RBFOX3: variants seen among roughly 807,000 people sequenced by gnomAD.
RBFOX3 encodes the protein RNA binding fox-1 homolog 3, also known as RNA binding protein fox-1 homolog 3.
Under a neutral mutation model 48.7 loss-of-function variants are expected in RBFOX3, and 17 were observed. The observed-to-expected ratio is 0.35, with a 90% CI of 0.24 to 0.52. The LOEUF (loss-of-function observed/expected upper bound fraction) is 0.52, where lower values mean the gene tolerates loss of function less well. Ranked by LOEUF, RBFOX3 falls within the 20% of genes least tolerant of loss-of-function variation. The probability of loss-of-function intolerance (pLI) is 0.94; values close to 1 mark genes in which losing one functional copy is unlikely to be tolerated. For synonymous variants in RBFOX3, 212 were observed against 209.5 expected (o/e 1.01, Z -0.10); for missense variants, 382 against 497.5 (o/e 0.77, Z 2.21).
In RBFOX3 at chr17:79,136,670, G is replaced by A. The variant is rs59475486; in HGVS notation, c.-33-20922C>T. ...GATGGGGAAGGTGCTGGGAAGCACC[G>A]GGAACCTGCTGATCCTCACCCGGAA... On this transcript the variant is annotated intron_variant, in intron 4 of 14. Transcript: ENST00000693108. Among the ~76,000 whole-genome samples, 297 of 152,254 alleles carry A rather than the reference G, an allele frequency of 2.0e-3. 1 individual carries two copies. The highest frequency in any genetic ancestry group is 6.4e-3 in the African/African-American group (266 of 41,528).
At chr17:79,426,317 A>T (rs1311189885) in intron 2 of RBFOX3, among the ~76,000 whole-genome samples, 1 of 152,090 alleles carries the variant, frequency 6.6e-6, no homozygotes, top group Non-Finnish European at 1.5e-5. Context: ...CTGGGAGAGG[A>T]GGTGTTCTCG....
chr17:79,328,979 C>T (rs1315184479), intron 2 of RBFOX3, among the ~76,000 whole-genome samples: 2 of 151,984 alleles, frequency 1.3e-5, no homozygotes, highest in Admixed American at 6.5e-5. Flanking sequence ...CAGCAGGTGC[C>T]CCAGGTATGG....
intron 1 of RBFOX3, among the ~76,000 whole-genome samples, chr17:79,517,030 C>G (rs1426105744): frequency 1.3e-5 from 2 of 151,992 alleles, no homozygotes; most frequent in Non-Finnish European, 2.9e-5. Flanking sequence ...AAGATGAGAA[C>G]GTTCTGGAGG....
intron 2 of RBFOX3, among the ~76,000 whole-genome samples, chr17:79,383,933 A>AG (rs548199451): frequency 3.2e-4 from 48 of 150,292 alleles, no homozygotes; most frequent in Admixed American, 1.9e-3. Flanking sequence ...GGAATGTCAG[A>AG]GGGGGGGGCA....
chr17:79,404,370 T>G (rs568159939), intron 2 of RBFOX3, among the ~76,000 whole-genome samples: 1 of 152,230 alleles, frequency 6.6e-6, no homozygotes, highest in South Asian at 2.1e-4. Flanking sequence ...GCATGAGGGA[T>G]GCAAGGAGTT....
chr17:79,109,505 G>A (rs1339230743), intron 5 of RBFOX3, among the ~76,000 whole-genome samples: 1 of 152,240 alleles, frequency 6.6e-6, no homozygotes, highest in Non-Finnish European at 1.5e-5. Context: ...TTGGTCCCAA[G>A]TTTTCTTGCA....
intron 4 of RBFOX3, among the ~76,000 whole-genome samples, chr17:79,185,328 C>T (rs1325178364): frequency 6.6e-6 from 1 of 152,218 alleles, no homozygotes; most frequent in East Asian, 1.9e-4. Context: ...GCCCTCCCTG[C>T]TGTCAGTAAC....
the RBFOX3 span, among the ~76,000 whole-genome samples, chr17:79,642,882 C>T: frequency 1.3e-5 from 2 of 152,146 alleles, no homozygotes; most frequent in African/African-American, 2.4e-5. Context: ...AAATATAGAT[C>T]GAGCACTTTT....
chr17:79,589,811 G>A (rs1217580241), intron 1 of RBFOX3, among the ~76,000 whole-genome samples: 6 of 152,282 alleles, frequency 3.9e-5, no homozygotes, highest in South Asian at 2.1e-4. Flanking sequence ...TCCAGGTCTC[G>A]GCAAGGCCCA....
At chr17:79,551,945 T>G (rs984047776) in intron 1 of RBFOX3, among the ~76,000 whole-genome samples, 11 of 152,198 alleles carry the variant, frequency 7.2e-5, no homozygotes, top group Admixed American at 6.5e-5. Flanking sequence ...TGGACTAATA[T>G]AATATGCATA....
intron 3 of RBFOX3, among the ~76,000 whole-genome samples, chr17:79,264,444 A>G (rs2066337366): frequency 6.6e-6 from 1 of 151,546 alleles, no homozygotes; most frequent in African/African-American, 2.4e-5. Flanking sequence ...GGCTCAAGCG[A>G]TTCTCCTGCC....
chr17:79,138,738 CA>C (rs2041063098), intron 4 of RBFOX3, among the ~76,000 whole-genome samples: 1 of 78,060 alleles, frequency 1.3e-5, no homozygotes, highest in African/African-American at 4.3e-5. Context: ...CGCATGCACA[CA>C]GCACGTGTTC....
intron 3 of RBFOX3, among the ~76,000 whole-genome samples, chr17:79,267,979 C>G (rs977809746): frequency 6.6e-6 from 1 of 152,184 alleles, no homozygotes; most frequent in Non-Finnish European, 1.5e-5. Context: ...TTTTTATACC[C>G]CCACTATAGA....
chr17:79,168,055 G>A (rs1305303104), intron 4 of RBFOX3, among the ~76,000 whole-genome samples: 1 of 152,204 alleles, frequency 6.6e-6, no homozygotes, highest in Non-Finnish European at 1.5e-5. Context: ...TGGGGAGGGT[G>A]GTTGGCACTT....
chr17:79,395,647 G>A (rs1054806604), intron 2 of RBFOX3, among the ~76,000 whole-genome samples: 7 of 152,188 alleles, frequency 4.6e-5, no homozygotes, highest in African/African-American at 1.7e-4. Flanking sequence ...GCTTCCAGTG[G>A]GTCATCTCCC....
intron 2 of RBFOX3, among the ~76,000 whole-genome samples, chr17:79,457,275 G>A (rs943762993): frequency 5.3e-5 from 8 of 152,248 alleles, no homozygotes; most frequent in Admixed American, 2.0e-4. Context: ...AGTGGAAAAG[G>A]AGCTGTTGTG....
rs2093657130 is a variant in RBFOX3 at position 79,599,646 on chromosome 17, G to T, written c.-320+11180C>A. The T allele has an allele frequency of 2.0e-5, 3 of 152,360 alleles. No individual in the cohort carries two copies. The East Asian group carries it at 5.8e-4, about 29-fold the overall frequency. The allele number at this position is 152,360 out of a possible 1,614,324, so 9.4% of individuals were successfully genotyped here. A position where few individuals can be genotyped will look rare whatever the true frequency, so the allele number is the denominator to read the frequency against. On this transcript the variant is annotated intron_variant, in intron 1 of 14. Transcript: ENST00000693108. ...TGCCGGGAGAGCTGAGGAGTGCTTGGGCCACAGCTGCAGAGGCAAAGGGCT... is the reference window on the plus strand; with the variant it reads ...TGCCGGGAGAGCTGAGGAGTGCTTGTGCCACAGCTGCAGAGGCAAAGGGCT...
At chr17:79,542,739 C>T (rs1379943938) in intron 1 of RBFOX3, among the ~76,000 whole-genome samples, 1 of 152,236 alleles carries the variant, frequency 6.6e-6, no homozygotes, top group Non-Finnish European at 1.5e-5. Context: ...GATGAGATCA[C>T]ACCACTGCAC....
intron 2 of RBFOX3, among the ~76,000 whole-genome samples, chr17:79,433,202 C>T (rs1255730767): frequency 6.6e-6 from 1 of 152,192 alleles, no homozygotes; most frequent in African/African-American, 2.4e-5. Context: ...TCACCCCACT[C>T]GCATCCTCTG....
Sources: allele counts gnomAD v4.1 joint callset (sites outside exome capture counted in the v4.1 genomes callset), GRCh38; gene constraint gnomAD v4.1.1; transcripts MANE v1.5; gene names NCBI Gene and HGNC (gene_info 2026-07-23, HGNC 2026-07-21).